The following PIP5KL1 variants were observed in gnomAD, a reference collection of about 807,000 sequenced individuals.
The protein encoded by PIP5KL1 is phosphatidylinositol-4-phosphate 5-kinase like 1.
In PIP5KL1, 45 loss-of-function variants were observed where a neutral mutation model predicts 47.6. The observed-to-expected ratio is 0.94, with a 90% CI of 0.74 to 1.21. PIP5KL1 has a LOEUF of 1.21. Among genes scored for constraint, PIP5KL1 ranks in the 50% most tolerant of loss-of-function variants. The pLI is 0.00. For missense variants in PIP5KL1, 577 were observed against 547.6 expected, an observed-to-expected ratio of 1.05 and a Z score of -0.54; for synonymous variants, 256 against 234.6, an observed-to-expected ratio of 1.09 and a Z score of -0.84.
intron 1 of PIP5KL1, among the ~76,000 whole-genome samples, chr9:127,930,438 G>T (rs965336316): frequency 1.3e-5 from 2 of 152,238 alleles, no homozygotes; most frequent in Admixed American, 1.3e-4. Flanking sequence ...TCCACCGCGT[G>T]CCCCGCACTG....
Position 127,929,689 on chromosome 9 carries a change from GT to G in PIP5KL1, c.226del (p.Thr76ArgfsTer13). The G allele has an allele frequency of 6.4e-7, 1 of 1,559,242 alleles. No individual in the cohort carries two copies. The highest frequency in any genetic ancestry group is 8.7e-7 in the Non-Finnish European group (1 of 1,146,734). On this transcript the variant is annotated frameshift_variant and splice_region_variant, in exon 2 of 10. Coordinates refer to ENST00000388747, the MANE Select transcript of PIP5KL1 (RefSeq NM_001135219.2). LOFTEE classifies it high-confidence loss of function. The surrounding 1 kb of genome is among the most constrained non-coding windows in gnomAD (Gnocchi z 4.0). ...ATQVSMDHPPTGPPSRDDFSE... is the reference protein window; with the variant it reads ...ATQVSMDHPPXGPPSRDDFSE... The stretch of plus-strand genomic sequence containing the variant: ...TCGTGGGACAGATGGGCCACTCACC[GT>G]GGGTGGGTGGTCCATGGAGACCTGG...
chr9:127,922,237 A>G, intron 9 of PIP5KL1, 123 bp from the exon 10 acceptor site: 2 of 1,224,556 alleles, frequency 1.6e-6, no homozygotes, highest in Non-Finnish European at 2.2e-6. Context: ...CTGTGTGCCC[A>G]GGTTTGTGAA....
chr9:127,927,237 G>A lies in PIP5KL1; in HGVS notation c.595-29C>T. ...GGGGCCGGGACAGGGAGTGAGGGAGGCCGGCTGTCGCCCTCCAGCCGCCCG... is the reference window on the plus strand; with the variant it reads ...GGGGCCGGGACAGGGAGTGAGGGAGACCGGCTGTCGCCCTCCAGCCGCCCG... On this transcript the variant is annotated intron_variant, in intron 6 of 9. Coordinates refer to ENST00000388747, the MANE Select transcript of PIP5KL1 (RefSeq NM_001135219.2). This position sits in a 1 kb window ranked among gnomAD's most constrained non-coding sequence, Gnocchi z 5.5. 1 of 1,611,822 alleles carries A rather than the reference G, an allele frequency of 6.2e-7. No individual in the cohort carries two copies. The highest frequency in any genetic ancestry group is 8.5e-7 in the Non-Finnish European group (1 of 1,179,462).
rs554253897 is a variant in PIP5KL1 at position 127,925,505 on chromosome 9, G to A, written c.764-245C>T. On this transcript the variant is annotated intron_variant, in intron 8 of 9. Transcript: ENST00000388747. ...TTTTGAGACAGAGTCTTGCTCTGTC[G>A]CACAGGCTGGAGTGCAGTGGCGCCA... 667 of 503,966 alleles carry A rather than the reference G, an allele frequency of 1.3e-3. 7 individuals are homozygous for A. Among genetic ancestry groups the A allele is most frequent in the South Asian group, 0.012 (559 of 45,042 alleles). The allele number at this position is 503,966 out of a possible 1,614,324, so 31.2% of individuals were successfully genotyped here. A position where few individuals can be genotyped will look rare whatever the true frequency, so the allele number is the denominator to read the frequency against.
In PIP5KL1 at chr9:127,928,219, C is replaced by G; in HGVS notation, c.280G>C (p.Gly94Arg). 2 of 1,534,164 alleles carry G rather than the reference C, an allele frequency of 1.3e-6. No individual in the cohort carries two copies. The highest frequency in any genetic ancestry group is 1.8e-6 in the Non-Finnish European group (2 of 1,140,804). The change falls in exon 4 of 10, where the codon GGC becomes CGC. Residue 94 changes from glycine to arginine, a missense_variant and splice_region_variant. Coordinates refer to ENST00000388747, the MANE Select transcript of PIP5KL1 (RefSeq NM_001135219.2). ...CCGGCCAGCGTGCCCAGCTCGAAGC[C>G]CTGCAGGGGAGGAAGAGCCTCCTCT... ...FSEVLTQVHEGFELGTLAGPA... is the reference protein window; with the variant it reads ...FSEVLTQVHERFELGTLAGPA...
At chr9:127,922,815 T>G (rs954774715) in intron 9 of PIP5KL1, among the ~76,000 whole-genome samples, 1 of 152,112 alleles carries the variant, frequency 6.6e-6, no homozygotes, top group Admixed American at 6.5e-5. Context: ...ACATTTTGGA[T>G]GTATTGAGTA....
At chr9:127,928,940 G>A (rs574147129) in intron 2 of PIP5KL1, 24 of 185,272 alleles carry the variant, frequency 1.3e-4, no homozygotes, top group Non-Finnish European at 2.4e-4. Context: ...CAGGGTGCTC[G>A]CACCAGTAGA....
Position 127,920,899 on chromosome 9 carries a change from T to C in PIP5KL1, c.*948A>G, listed in dbSNP as rs1284348808. 6.6e-6 allele frequency: 1 copy of C among 152,230 alleles called. No homozygotes were observed. Among genetic ancestry groups the C allele is most frequent in the African/African-American group, 2.4e-5 (1 of 41,450 alleles). The allele number at this position is 152,230 out of a possible 1,614,324, so 9.4% of individuals were successfully genotyped here. ...TCACATGGCAGGTGCTCAACAAATA[T>C]TTAATGAGTTAATGAGGTCTGTTTC... is the stretch of plus-strand genomic sequence containing the variant. On this transcript the variant is annotated 3_prime_UTR_variant, in exon 10 of 10. Coordinates refer to ENST00000388747, the MANE Select transcript of PIP5KL1 (RefSeq NM_001135219.2).
chr9:127,924,319 G>A (rs945806963), intron 9 of PIP5KL1, among the ~76,000 whole-genome samples: 1 of 151,950 alleles, frequency 6.6e-6, no homozygotes. Context: ...ATGAAACCCC[G>A]TCTCTAATAA....
chr9:127,924,269 C>T (rs1588683270), intron 9 of PIP5KL1, among the ~76,000 whole-genome samples: 1 of 152,022 alleles, frequency 6.6e-6, no homozygotes, highest in South Asian at 2.1e-4. Context: ...GCGGGTGGAT[C>T]ACTTGAGGTC....
In PIP5KL1 at chr9:127,928,480, G is replaced by T; in HGVS notation, c.232C>A (p.Pro78Thr). The T allele has an allele frequency of 6.3e-7, 1 of 1,592,280 alleles. No homozygotes were observed. Among genetic ancestry groups the T allele is most frequent in the East Asian group, 2.3e-5 (1 of 44,308 alleles). The stretch of plus-strand genomic sequence containing the variant: ...TCCGAGAAATCGTCCCGGGAGGGCG[G>T]CCCCTGCAGGGAGAGGTAGAGGAGC... ...QVSMDHPPTGPPSRDDFSEVL... is the reference protein window; with the variant it reads ...QVSMDHPPTGTPSRDDFSEVL... Residue 78 changes from proline to threonine, a missense_variant, in exon 3 of 10, where the codon CCG becomes ACG. Pro to Thr is a conservative substitution (Grantham distance 38). Coordinates refer to ENST00000388747, the MANE Select transcript of PIP5KL1 (RefSeq NM_001135219.2).
chr9:127,927,146 C>T lies in PIP5KL1; in HGVS notation c.650+7G>A. ...GATGGGGGCCCAAACCTGCTTAGGC[C>T]ACTCACCTCTCGGAGATGCGGCCGG... On this transcript the variant is annotated splice_region_variant and intron_variant, in intron 7 of 9. Transcript: ENST00000388747. The surrounding 1 kb of genome is among the most constrained non-coding windows in gnomAD (Gnocchi z 5.5). 1 of 1,608,348 alleles carries T rather than the reference C, an allele frequency of 6.2e-7. No homozygotes were observed.
At position 127,921,550 on chromosome 9, in the gene PIP5KL1, T is replaced by C; in HGVS notation, c.*297A>G. The C allele has an allele frequency of 2.9e-6, 1 of 346,710 alleles. No individual in the cohort carries two copies. The highest frequency in any genetic ancestry group is 5.3e-6 in the Non-Finnish European group (1 of 188,078). 21.5% of individuals were successfully genotyped at this position (346,710 alleles called of 1,614,324 possible). ...ATGGTTGAGTCCTGGTTCCAGCATT[T>C]ATTGCTGAATGATCTTGATCAGTCC... On this transcript the variant is annotated 3_prime_UTR_variant, in exon 10 of 10. Coordinates refer to ENST00000388747, the MANE Select transcript of PIP5KL1 (RefSeq NM_001135219.2).
Position 127,927,286 on chromosome 9 carries a change from G to A in PIP5KL1, c.594+11C>T, listed in dbSNP as rs774673425. 1.2e-6 allele frequency: 2 copies of A among 1,611,336 alleles called. No homozygotes were observed. The highest frequency in any genetic ancestry group is 2.7e-5 in the African/African-American group (2 of 74,876). On this transcript the variant is annotated intron_variant, in intron 6 of 9. Coordinates refer to ENST00000388747, the MANE Select transcript of PIP5KL1 (RefSeq NM_001135219.2). This position sits in a 1 kb window ranked among gnomAD's most constrained non-coding sequence, Gnocchi z 5.5. ...CGCTCCGCCCAGCCACCTCGCCTCGGCTTCACCCACCTTCTTTCCCCGGTC... is the reference window on the plus strand; with the variant it reads ...CGCTCCGCCCAGCCACCTCGCCTCGACTTCACCCACCTTCTTTCCCCGGTC...
intron 9 of PIP5KL1, among the ~76,000 whole-genome samples, chr9:127,923,537 C>G (rs1831319027): frequency 6.6e-6 from 1 of 152,260 alleles, no homozygotes; most frequent in African/African-American, 2.4e-5. Context: ...AAAAGCTGAC[C>G]TCACTTGGAT....
rs766892484 is a variant in PIP5KL1 at position 127,927,311 on chromosome 9, C to T, written c.580G>A (p.Asp194Asn). The T allele has an allele frequency of 6.2e-7, 1 of 1,610,416 alleles. No individual in the cohort carries two copies. Among genetic ancestry groups the T allele is most frequent in the South Asian group, 1.1e-5 (1 of 90,566 alleles). The change falls in exon 6 of 10, where the codon GAC (aspartate) becomes AAC (asparagine). Residue 194 changes from aspartate to asparagine, a missense_variant. Transcript: ENST00000388747. This position sits in a 1 kb window ranked among gnomAD's most constrained non-coding sequence, Gnocchi z 5.5. The stretch of plus-strand genomic sequence containing the variant: ...GCTTCACCCACCTTCTTTCCCCGGT[C>T]CACCCGCAGACTGTGCACTCCTGGA... ...RLLGVHSLRVDRGKKTYFIVM... is the reference protein window; with the variant it reads ...RLLGVHSLRVNRGKKTYFIVM...
Position 127,925,178 on chromosome 9 carries a change from G to C in PIP5KL1, c.846C>G (p.Leu282=). 1 of 1,614,160 alleles carries C rather than the reference G, an allele frequency of 6.2e-7. No homozygotes were observed. Among genetic ancestry groups the C allele is most frequent in the Non-Finnish European group, 8.5e-7 (1 of 1,180,046 alleles). The change falls in exon 9 of 10, where the codon CTC becomes CTG. Residue 282 remains leucine (L), a synonymous_variant. Coordinates refer to ENST00000388747, the MANE Select transcript of PIP5KL1 (RefSeq NM_001135219.2). ...LRELNVLDYS[L]LIAFQRLHED... Reference sequence around the variant, plus strand: ...CGTGGAGACGTTGGAAGGCTATCAGGAGGCTGTAATCCAGCACGTTGAGCT... The same window carrying C: ...CGTGGAGACGTTGGAAGGCTATCAGCAGGCTGTAATCCAGCACGTTGAGCT...
chr9:127,923,091 T>C (rs1237668172), intron 9 of PIP5KL1, among the ~76,000 whole-genome samples: 1 of 152,232 alleles, frequency 6.6e-6, no homozygotes, highest in East Asian at 1.9e-4. Flanking sequence ...AACCCCAGTT[T>C]GCAGATGGTG....
chr9:127,922,201 C>G, intron 9 of PIP5KL1, 87 bp from the exon 10 acceptor site: 1 of 1,407,144 alleles, frequency 7.1e-7, no homozygotes. Context: ...GCTGCCCACC[C>G]CTCCACCAGC....
Sources: gnomAD v4.1 joint callset for allele counts (sites outside exome capture counted in the v4.1 genomes callset) on GRCh38, gnomAD v4.1.1 for gene constraint, Gnocchi (gnomAD v3.1) non-coding constraint, MANE v1.5 for transcripts, NCBI Gene and HGNC (gene_info 2026-07-23, HGNC 2026-07-21) for gene names.